The following FAF1 variants were observed in gnomAD, a reference collection of about 807,000 sequenced individuals.
FAF1 encodes the protein Fas associated factor 1, also known as FAS-associated factor 1.
In FAF1, 25 loss-of-function variants were observed where a neutral mutation model predicts 92.5. The observed-to-expected ratio is 0.27, with a 90% CI of 0.20 to 0.38. The LOEUF is 0.38. Ranked by LOEUF, FAF1 falls within the 10% of genes least tolerant of loss-of-function variation. FAF1 has a pLI of 1.00. For synonymous variants in FAF1, 234 were observed against 273.2 expected (o/e 0.86, Z 1.42); for missense variants, 636 against 793.3 (o/e 0.80, Z 2.38).
intron 2 of FAF1, among the ~76,000 whole-genome samples, chr1:50,823,072 C>T (rs1644060594): frequency 6.6e-6 from 1 of 152,106 alleles, no homozygotes; most frequent in Non-Finnish European, 1.5e-5. Context: ...CCGTGCCCGG[C>T]CAAGGCTAGC....
At chr1:50,651,390 T>C (rs1002680529) in intron 8 of FAF1, among the ~76,000 whole-genome samples, 6 of 152,212 alleles carry the variant, frequency 3.9e-5, no homozygotes. Flanking sequence ...TTTACCACAA[T>C]CTAATTTTTA....
At chr1:50,518,000 T>G (rs1647279638) in intron 15 of FAF1, among the ~76,000 whole-genome samples, 1 of 152,246 alleles carries the variant, frequency 6.6e-6, no homozygotes, top group South Asian at 2.1e-4. Context: ...ATGGATTATT[T>G]TTAATGTACA....
At chr1:50,665,356 T>C (rs1382937783) in intron 7 of FAF1, among the ~76,000 whole-genome samples, 1 of 152,248 alleles carries the variant, frequency 6.6e-6, no homozygotes, top group East Asian at 1.9e-4. Context: ...CTTAAAGACA[T>C]AATCATACCT....
At chr1:50,654,448 G>A (rs1046293619) in intron 8 of FAF1, among the ~76,000 whole-genome samples, 1 of 152,058 alleles carries the variant, frequency 6.6e-6, no homozygotes, top group Non-Finnish European at 1.5e-5. Flanking sequence ...ATTTCAGATG[G>A]CCTCCTTATA....
intron 8 of FAF1, among the ~76,000 whole-genome samples, chr1:50,651,941 T>C (rs142792770): frequency 2.6e-5 from 4 of 152,366 alleles, no homozygotes; most frequent in African/African-American, 9.6e-5. Flanking sequence ...TAAGCCATTT[T>C]TGGCTAAATT....
intron 11 of FAF1, among the ~76,000 whole-genome samples, 195 bp from the exon 12 acceptor site, chr1:50,582,894 A>G (rs1280315505): frequency 2.0e-5 from 3 of 152,154 alleles, no homozygotes; most frequent in African/African-American, 4.8e-5. Context: ...CTGATATACT[A>G]AAATACTGGA....
Position 50,567,204 on chromosome 1 carries a change from G to T in FAF1, c.1141C>A (p.His381Asn). The change falls in exon 13 of 19, where the codon CAT (histidine) becomes AAT (asparagine). Residue 381 changes from histidine to asparagine, a missense_variant. His to Asn is a moderately conservative substitution (Grantham distance 68, BLOSUM62 1). This residue lies in a region of FAF1 where 319 missense variants were observed against 451.0 expected (regional missense o/e 0.71). Coordinates refer to ENST00000396153, the MANE Select transcript of FAF1 (RefSeq NM_007051.3). ...ACGTTGGTTAACACACTTTCATCAT[G>T]GTGGAGGTAGATAGCAAGAAGCTTT... Reference protein sequence around the residue: ...DRKLLAIYLHHDESVLTNVFC... With the variant: ...DRKLLAIYLHNDESVLTNVFC... 1 of 1,606,892 alleles carries T rather than the reference G, an allele frequency of 6.2e-7. No individual in the cohort carries two copies. Among genetic ancestry groups the T allele is most frequent in the Non-Finnish European group, 8.5e-7 (1 of 1,175,850 alleles).
At chr1:50,818,761 CG>C (rs1644002077) in intron 2 of FAF1, among the ~76,000 whole-genome samples, 1 of 151,714 alleles carries the variant, frequency 6.6e-6, no homozygotes, top group Non-Finnish European at 1.5e-5. Context: ...AGGCGGGGGC[CG>C]GGAGGCAGAG....
intron 7 of FAF1, among the ~76,000 whole-genome samples, chr1:50,693,630 C>A (rs192304831): frequency 1.4e-3 from 220 of 152,070 alleles, no homozygotes; most frequent in Middle Eastern, 3.4e-3. Flanking sequence ...AATAAAATTT[C>A]TTATTATTCA....
intron 3 of FAF1, among the ~76,000 whole-genome samples, chr1:50,799,860 G>A (rs1012353033): frequency 6.6e-6 from 1 of 152,066 alleles, no homozygotes; most frequent in Admixed American, 6.6e-5. Flanking sequence ...TCAGTGTTCA[G>A]CTTATAAGAA....
intron 7 of FAF1, among the ~76,000 whole-genome samples, chr1:50,691,660 C>A (rs971293622): frequency 6.6e-6 from 1 of 151,672 alleles, no homozygotes; most frequent in Non-Finnish European, 1.5e-5. Context: ...GGCGCGATCT[C>A]GGCTTACGCA....
At chr1:50,581,911 G>T (rs1228576821) in intron 12 of FAF1, among the ~76,000 whole-genome samples, 3 of 152,172 alleles carry the variant, frequency 2.0e-5, no homozygotes, top group African/African-American at 7.2e-5. Flanking sequence ...CTGATGTCTT[G>T]ACTGCTGTGA....
chr1:50,529,367 C>T (rs998068922), intron 15 of FAF1, among the ~76,000 whole-genome samples: 3 of 152,078 alleles, frequency 2.0e-5, no homozygotes, highest in Non-Finnish European at 4.4e-5. Flanking sequence ...TGAATGCTTG[C>T]CAAGACAAAA....
At chr1:50,843,651 T>C (rs1263842293) in intron 2 of FAF1, among the ~76,000 whole-genome samples, 1 of 152,072 alleles carries the variant, frequency 6.6e-6, no homozygotes, top group Non-Finnish European at 1.5e-5. Flanking sequence ...CTGTGCCTGA[T>C]GTTTTATTTA....
chr1:50,649,119 G>C (rs1332968928), intron 8 of FAF1, among the ~76,000 whole-genome samples: 3 of 151,052 alleles, frequency 2.0e-5, no homozygotes, highest in Non-Finnish European at 4.4e-5. Flanking sequence ...GGTGGGGAGA[G>C]GGCTGTGTGC....
At chr1:50,485,536 C>T (rs899918715) in intron 17 of FAF1, among the ~76,000 whole-genome samples, 1 of 151,502 alleles carries the variant, frequency 6.6e-6, no homozygotes, top group Non-Finnish European at 1.5e-5. Context: ...GTGGCAGGTG[C>T]CTGTAGTCCC....
rs374957053 is a variant in FAF1 at position 50,452,153 on chromosome 1, C to T, written c.1870-10630G>A. The stretch of plus-strand genomic sequence containing the variant: ...GAACATAAAATGAATATACAAAGAA[C>T]GAGAACAGGCATGTTTCCCCATCCT... On this transcript the variant is annotated intron_variant, in intron 18 of 18. Coordinates refer to ENST00000396153, the MANE Select transcript of FAF1 (RefSeq NM_007051.3). 2.8e-5 allele frequency: 38 copies of T among 1,348,484 alleles called. No homozygotes were observed. In the Admixed American group the frequency reaches 4.0e-4, roughly 14 times the overall value. The allele number at this position is 1,348,484 out of a possible 1,614,324, so 83.5% of individuals were successfully genotyped here. A position where few individuals can be genotyped will look rare whatever the true frequency, so the allele number is the denominator to read the frequency against.
At chr1:50,748,010 C>A (rs2124504135) in intron 4 of FAF1, among the ~76,000 whole-genome samples, 1 of 152,288 alleles carries the variant, frequency 6.6e-6, no homozygotes, top group Admixed American at 6.5e-5. Context: ...AACTGCGAAC[C>A]AATTAAACCT....
At chr1:50,501,655 C>T (rs555325386) in intron 15 of FAF1, among the ~76,000 whole-genome samples, 9 of 138,220 alleles carry the variant, frequency 6.5e-5, no homozygotes, top group Admixed American at 3.7e-4. Flanking sequence ...AGCAAGACTC[C>T]GTCTCAAAAA....
Sources: allele counts gnomAD v4.1 joint callset (sites outside exome capture counted in the v4.1 genomes callset), GRCh38; gene constraint gnomAD v4.1.1; regional missense constraint gnomAD v4.1.1; transcripts MANE v1.5; gene names NCBI Gene and HGNC (gene_info 2026-07-23, HGNC 2026-07-21).